STAR: variants seen among roughly 807,000 people sequenced by gnomAD.
STAR encodes steroidogenic acute regulatory protein, mitochondrial.
In STAR, 32 loss-of-function variants were observed where a neutral mutation model predicts 32.3. That is an observed-to-expected ratio of 0.99 (90% CI 0.75 to 1.33). The LOEUF is 1.33. STAR is among the 40% of genes most tolerant of loss of function. The pLI, the probability that STAR is intolerant of heterozygous loss-of-function variation, is 0.00. For missense variants in STAR, 375 were observed against 379.0 expected (o/e 0.99, Z 0.09); for synonymous variants, 134 against 140.5 (o/e 0.95, Z 0.33).
At position 38,143,006 on chromosome 8, in the gene STAR, T is replaced by C. The variant is rs1563266749; in HGVS notation, c.*1267A>G. ...TAAATAACAGAAATGTTAACTAATA[T>C]TGTTTATCCTCTCATATTTGGCACT... On this transcript the variant is annotated 3_prime_UTR_variant, in exon 7 of 7. Transcript: ENST00000276449. 1.3e-5 allele frequency among the ~76,000 whole-genome samples: 2 copies of C among 152,220 alleles called. No homozygotes were observed. The highest frequency in any genetic ancestry group is 4.1e-4 in the South Asian group (2 of 4,838).
In STAR at chr8:38,148,746, G is replaced by T. The variant is rs1235542320; in HGVS notation, c.73C>A (p.Gln25Lys). The T allele has an allele frequency of 6.2e-7, 1 of 1,613,482 alleles. No homozygotes were observed. The highest frequency in any genetic ancestry group is 1.1e-5 in the South Asian group (1 of 91,090). The change falls in exon 2 of 7, where the codon CAA becomes AAA. Residue 25 changes from glutamine (Q) to lysine (K), a missense_variant. Gln to Lys is a moderately conservative substitution (Grantham distance 53). Coordinates refer to ENST00000276449, the MANE Select transcript of STAR (RefSeq NM_000349.3). ...TGGCTGATGGCCATCACAGCCTGTT[G>T]CCTCAGCCCTGCAGAAGGGAATAAC... is the stretch of plus-strand genomic sequence containing the variant. ...RHMRNMKGLR[Q>K]QAVMAISQEL...
At chr8:38,148,945 T>C in intron 1 of STAR, 191 bp from the exon 2 acceptor site, 1 of 597,528 alleles carries the variant, frequency 1.7e-6, no homozygotes, top group South Asian at 1.9e-5. Flanking sequence ...TGCTCCAGGG[T>C]CCAGAAATCT....
At chr8:38,144,882 G>A (rs1293616590) in intron 6 of STAR, 5 of 680,548 alleles carry the variant, frequency 7.3e-6, no homozygotes, top group Admixed American at 3.7e-5. Flanking sequence ...GGTGGCACAC[G>A]CCTGTAGTTC....
intron 6 of STAR, 200 bp from the exon 7 acceptor site, chr8:38,144,586 A>C (rs1802530056): frequency 1.4e-6 from 2 of 1,419,344 alleles, no homozygotes; most frequent in Admixed American, 2.4e-5. Context: ...AGACTGGCCA[A>C]CAAGATGTTT....
chr8:38,148,776 G>A (rs759535218), intron 1 of STAR, 22 bp from the exon 2 acceptor site: 1 of 1,598,140 alleles, frequency 6.3e-7, no homozygotes. Flanking sequence ...AATAACCCTT[G>A]TCTAGGAGCT....
chr8:38,150,897 G>A lies in STAR; in HGVS notation c.-79C>T. On this transcript the variant is annotated 5_prime_UTR_variant, in exon 1 of 7. Transcript: ENST00000276449. ...GCTGCTGCTGCCTCTTCTCTCAAGG[G>A]TGGTTCTTCGTCCTTCCTGAGCCCC... 2.5e-6 allele frequency: 4 copies of A among 1,599,144 alleles called. No homozygotes were observed. Among genetic ancestry groups the A allele is most frequent in the Non-Finnish European group, 3.4e-6 (4 of 1,179,774 alleles).
Position 38,146,436 on chromosome 8 carries a change from G to A in STAR, c.318C>T (p.Asp106=), listed in dbSNP as rs2130614489. 4.3e-6 allele frequency: 7 copies of A among 1,613,902 alleles called. No individual in the cohort carries two copies. Among genetic ancestry groups the A allele is most frequent in the Non-Finnish European group, 5.9e-6 (7 of 1,180,046 alleles). Residue 106 remains aspartate (D), a synonymous_variant, in exon 4 of 7, where the codon GAC becomes GAT. Transcript: ENST00000276449. ...WKKESQQDNG[D]KVMSKVVPDV... is the part of the protein sequence containing the mutation. ...CTGGGACCACTTTACTCATCACTTT[G>A]TCCCCATTGTCCTGTCAGAGAAAGG... is the stretch of plus-strand genomic sequence containing the variant.
chr8:38,149,689 G>C (rs1802635183), intron 1 of STAR, among the ~76,000 whole-genome samples: 1 of 152,166 alleles, frequency 6.6e-6, no homozygotes, highest in Non-Finnish European at 1.5e-5. Context: ...GTTCAAGAAA[G>C]ATGGCCAGGC....
At chr8:38,145,153 G>A (rs1585624233) in intron 6 of STAR, 69 bp downstream of exon 6, 2 of 1,610,372 alleles carry the variant, frequency 1.2e-6, no homozygotes, top group East Asian at 2.2e-5. Flanking sequence ...CTGCAGCATG[G>A]GGGGAATGGG....
At chr8:38,148,780 AG>A (rs1389770346) in intron 1 of STAR, 26 bp from the exon 2 acceptor site, 2 of 1,595,674 alleles carry the variant, frequency 1.3e-6, no homozygotes, top group African/African-American at 2.7e-5. Flanking sequence ...ACCCTTGTCT[AG>A]GAGCTGGAAA....
rs1398433780 is a variant in STAR at position 38,142,708 on chromosome 8, A to G, written c.*1565T>C. Among the ~76,000 whole-genome samples, 1 of 151,678 alleles carries G rather than the reference A, an allele frequency of 6.6e-6. No individual in the cohort carries two copies. Among genetic ancestry groups the G allele is most frequent in the African/African-American group, 2.4e-5 (1 of 41,300 alleles). On this transcript the variant is annotated 3_prime_UTR_variant, in exon 7 of 7. Coordinates refer to ENST00000276449, the MANE Select transcript of STAR (RefSeq NM_000349.3). ...CACGCCCAGCTCATTTTGTATTTTT[A>G]GTAGAGATGGGGTTTCTCCATGTTA...
In STAR at chr8:38,146,315, A is replaced by G; in HGVS notation, c.439T>C (p.Trp147Arg). ...TTGATCTCCTTGACATTGGGGTTCC[A>G]CTCCCCCATTGCTTCCATGCGCTCC... is the stretch of plus-strand genomic sequence containing the variant. ...LVERMEAMGE[W>R]NPNVKEIKVL... is the part of the protein sequence containing the mutation. The change falls in exon 4 of 7, where the codon TGG (tryptophan) becomes CGG (arginine). Residue 147 changes from tryptophan (W) to arginine (R), a missense_variant. Transcript: ENST00000276449. 1 of 1,613,134 alleles carries G rather than the reference A, an allele frequency of 6.2e-7. No individual in the cohort carries two copies. The highest frequency in any genetic ancestry group is 8.5e-7 in the Non-Finnish European group (1 of 1,179,852).
intron 1 of STAR, among the ~76,000 whole-genome samples, chr8:38,149,536 C>G (rs748146674): frequency 6.6e-6 from 1 of 152,138 alleles, no homozygotes; most frequent in Non-Finnish European, 1.5e-5. Context: ...GCCCTCCTGT[C>G]TTACTCCCCT....
rs1802563817 is a variant in STAR, at chr8:38,146,009, T to C, written c.604A>G (p.Met202Val). 1 of 1,614,120 alleles carries C rather than the reference T, an allele frequency of 6.2e-7. No individual in the cohort carries two copies. Among genetic ancestry groups the C allele is most frequent in the African/African-American group, 1.3e-5 (1 of 74,946 alleles). The change falls in exon 5 of 7, where the codon ATG (methionine) becomes GTG (valine). Residue 202 changes from methionine (M) to valine (V), a missense_variant. Met to Val is a conservative substitution (Grantham distance 21, BLOSUM62 1). Coordinates refer to ENST00000276449, the MANE Select transcript of STAR (RefSeq NM_000349.3). ...RRGSTCVLAGMATDFGNMPEQ... is the reference protein window; with the variant it reads ...RRGSTCVLAGVATDFGNMPEQ... ...GGCATGTTCCCGAAGTCTGTGGCCA[T>C]GCCAGCCAGCACACAGGTGGAGCCT...
intron 1 of STAR, among the ~76,000 whole-genome samples, chr8:38,149,324 G>T (rs779052874): frequency 3.3e-5 from 5 of 152,164 alleles, no homozygotes; most frequent in African/African-American, 1.2e-4. Context: ...ATGGCTTCTC[G>T]CTCTAAAGGT....
chr8:38,146,098 G>A lies in STAR; in HGVS notation c.515C>T (p.Ala172Val). 9 of 1,614,164 alleles carry A rather than the reference G, an allele frequency of 5.6e-6. No individual in the cohort carries two copies. The highest frequency in any genetic ancestry group is 7.6e-6 in the Non-Finnish European group (9 of 1,180,018). The change falls in exon 5 of 7, where the codon GCC (alanine) becomes GTC (valine). Residue 172 changes from alanine (A) to valine (V), a missense_variant. Ala to Val is a moderately conservative substitution (Grantham distance 64). Transcript: ENST00000276449. ...KDTFITHELA[A>V]EAAGNLVGPR... Reference sequence around the variant, plus strand: ...CCCCACCAGGTTTCCTGCTGCCTCGGCAGCCAGCTCGTGAGTAATGAATGT... The same window carrying A: ...CCCCACCAGGTTTCCTGCTGCCTCGACAGCCAGCTCGTGAGTAATGAATGT...
Position 38,146,294 on chromosome 8 carries a change from T to G in STAR, c.460A>C (p.Ile154Leu). 6.2e-7 allele frequency: 1 copy of G among 1,614,040 alleles called. No homozygotes were observed. Among genetic ancestry groups the G allele is most frequent in the Non-Finnish European group, 8.5e-7 (1 of 1,180,012 alleles). ...MGEWNPNVKE[I>L]KVLQKIGKDT... ...TGCACCTGGACTTTGCTCACCTTGA[T>G]CTCCTTGACATTGGGGTTCCACTCC... The change falls in exon 4 of 7, where the codon ATC becomes CTC. Residue 154 changes from isoleucine (I) to leucine (L), a missense_variant. By Grantham distance (5) the Ile-to-Leu change is conservative. Transcript: ENST00000276449.
At chr8:38,147,667 C>A (rs1025886868) in intron 3 of STAR, among the ~76,000 whole-genome samples, 1 of 152,224 alleles carries the variant, frequency 6.6e-6, no homozygotes, top group Admixed American at 6.5e-5. Context: ...GAAGGTAAAG[C>A]CACCAAAATC....
intron 5 of STAR, 191 bp downstream of exon 5, chr8:38,145,772 C>T: frequency 1.4e-6 from 1 of 699,026 alleles, no homozygotes; most frequent in South Asian, 1.9e-5. Context: ...GACAAGCTGT[C>T]TGGCTGTCCA....
Sources: allele counts gnomAD v4.1 joint callset (sites outside exome capture counted in the v4.1 genomes callset), GRCh38; gene constraint gnomAD v4.1.1; transcripts MANE v1.5; gene names NCBI Gene and HGNC (gene_info 2026-07-23, HGNC 2026-07-21).